Variants in RAPGEF4 observed in about 807,000 individuals in gnomAD.
The protein encoded by RAPGEF4 is Rap guanine nucleotide exchange factor 4, also known as RAP guanine-nucleotide-exchange factor (GEF) 4.
RAPGEF4 carries 66 observed loss-of-function variants against 147.9 expected under a neutral mutation model. The observed-to-expected ratio is 0.45, with a 90% CI of 0.37 to 0.55. RAPGEF4 has a LOEUF of 0.55. RAPGEF4 is among the 20% of genes least tolerant of loss of function. The probability of loss-of-function intolerance (pLI) is 0.00; values close to 1 mark genes in which losing one functional copy is unlikely to be tolerated. For synonymous variants in RAPGEF4, 419 were observed against 442.7 expected (o/e 0.95, Z 0.67); for missense variants, 1,071 against 1,257.3 (o/e 0.85, Z 2.24).
chr2:172,924,400 C>A (rs1013548132), intron 6 of RAPGEF4, among the ~76,000 whole-genome samples: 9 of 152,224 alleles, frequency 5.9e-5, no homozygotes, highest in African/African-American at 2.2e-4. Flanking sequence ...ATACAATGAA[C>A]TGTTAGCATG....
intron 29 of RAPGEF4, among the ~76,000 whole-genome samples, chr2:173,037,842 A>G (rs574761773): frequency 6.6e-6 from 1 of 152,254 alleles, no homozygotes; most frequent in African/African-American, 2.4e-5. Context: ...CAGCCCATCT[A>G]TCTCTGGATT....
At chr2:172,738,216 T>C (rs368973474) in intron 1 of RAPGEF4, among the ~76,000 whole-genome samples, 1 of 152,212 alleles carries the variant, frequency 6.6e-6, no homozygotes, top group South Asian at 2.1e-4. Flanking sequence ...TGAGAAATGC[T>C]GTCTTGATCC....
chr2:172,919,952 G>C (rs573319745), intron 5 of RAPGEF4, among the ~76,000 whole-genome samples: 2 of 152,166 alleles, frequency 1.3e-5, no homozygotes, highest in South Asian at 4.2e-4. Flanking sequence ...AGTTCCCTCT[G>C]CAGCCACCTG....
At chr2:172,843,683 C>T (rs971438403) in intron 4 of RAPGEF4, among the ~76,000 whole-genome samples, 2 of 152,106 alleles carry the variant, frequency 1.3e-5, no homozygotes, top group Non-Finnish European at 2.9e-5. Flanking sequence ...TCTATTCATC[C>T]CACTTAGTGT....
rs1312950217 is a variant in RAPGEF4, at chr2:173,048,603, A to G, written c.2857A>G (p.Met953Val). The G allele has an allele frequency of 1.2e-6, 2 of 1,614,088 alleles. No individual in the cohort carries two copies. Among genetic ancestry groups the G allele is most frequent in the Non-Finnish European group, 1.7e-6 (2 of 1,180,008 alleles). ...CTTTTTTCTATATTCCTTTTAGCGCATGATTGCAAATACGGCCAGAACAGT... is the reference window on the plus strand; with the variant it reads ...CTTTTTTCTATATTCCTTTTAGCGCGTGATTGCAAATACGGCCAGAACAGT... ...DNLVNFEKMR[M>V]IANTARTVRY... The change falls in exon 30 of 31, where the codon ATG becomes GTG. Residue 953 changes from methionine to valine, a missense_variant. Met to Val is a conservative substitution (Grantham distance 21). Transcript: ENST00000397081.
At chr2:172,788,892 T>TAAATAAAATAAAATA (rs137917661) in intron 1 of RAPGEF4, among the ~76,000 whole-genome samples, 5 of 150,702 alleles carry the variant, frequency 3.3e-5, no homozygotes, top group African/African-American at 9.8e-5. Context: ...AGACCCTATC[T>TAAATAAAATAAAATA]AAATAAAATA....
chr2:172,992,790 A>G (rs1227047226), intron 15 of RAPGEF4, among the ~76,000 whole-genome samples: 1 of 152,238 alleles, frequency 6.6e-6, no homozygotes, highest in Non-Finnish European at 1.5e-5. Context: ...ACAATGAGCC[A>G]TTTAAGAAAT....
intron 30 of RAPGEF4, among the ~76,000 whole-genome samples, chr2:173,049,391 A>G (rs1685921972): frequency 6.6e-6 from 1 of 152,138 alleles, no homozygotes; most frequent in Admixed American, 6.5e-5. Flanking sequence ...CTGGTCTGGA[A>G]ATGAGAAGGT....
chr2:173,032,489 A>G (rs1193917676), intron 26 of RAPGEF4, among the ~76,000 whole-genome samples: 1 of 152,224 alleles, frequency 6.6e-6, no homozygotes, highest in Admixed American at 6.5e-5. Context: ...CAGATGACAG[A>G]GGTCTTGCCA....
intron 17 of RAPGEF4, among the ~76,000 whole-genome samples, chr2:173,008,316 T>G (rs1371826669): frequency 6.6e-6 from 1 of 152,220 alleles, no homozygotes; most frequent in Admixed American, 6.5e-5. Flanking sequence ...TAATACATTA[T>G]ACTTGCCCTA....
At chr2:172,844,350 G>T (rs981414057) in intron 4 of RAPGEF4, among the ~76,000 whole-genome samples, 2 of 152,198 alleles carry the variant, frequency 1.3e-5, no homozygotes, top group Non-Finnish European at 2.9e-5. Context: ...GCTTTCAGGT[G>T]CCACTTGGGA....
chr2:172,984,613 C>G (rs908433969), intron 11 of RAPGEF4, among the ~76,000 whole-genome samples: 3 of 152,224 alleles, frequency 2.0e-5, no homozygotes, highest in African/African-American at 7.2e-5. Flanking sequence ...CATCCTTACT[C>G]TCCACAGGGC....
intron 3 of RAPGEF4, among the ~76,000 whole-genome samples, chr2:172,802,447 T>C (rs1401435589): frequency 6.6e-6 from 1 of 152,098 alleles, no homozygotes; most frequent in Non-Finnish European, 1.5e-5. Flanking sequence ...CGGTCAGATC[T>C]TGTGAGATTC....
At chr2:172,842,827 C>T (rs1575012277) in intron 4 of RAPGEF4, among the ~76,000 whole-genome samples, 1 of 152,224 alleles carries the variant, frequency 6.6e-6, no homozygotes, top group East Asian at 1.9e-4. Context: ...CTTCAAGTCA[C>T]ACTGTAGGAT....
chr2:172,817,908 T>C (rs1026628772), intron 4 of RAPGEF4, among the ~76,000 whole-genome samples: 11 of 147,630 alleles, frequency 7.5e-5, no homozygotes, highest in African/African-American at 2.7e-4. Context: ...CACAATTATA[T>C]ATATATATAA....
chr2:172,851,360 G>T (rs1692802376), intron 4 of RAPGEF4, among the ~76,000 whole-genome samples: 3 of 152,106 alleles, frequency 2.0e-5, no homozygotes, highest in Admixed American at 2.0e-4. Context: ...GGCCGATTGT[G>T]TGGTCAATTT....
chr2:172,949,093 A>G (rs961195830), intron 6 of RAPGEF4, among the ~76,000 whole-genome samples: 5 of 152,244 alleles, frequency 3.3e-5, no homozygotes, highest in African/African-American at 1.2e-4. Flanking sequence ...TCCAACATCC[A>G]GTAAACTTAG....
intron 23 of RAPGEF4, among the ~76,000 whole-genome samples, chr2:173,024,259 C>T (rs1392798801): frequency 7.2e-6 from 1 of 138,876 alleles, no homozygotes; most frequent in Admixed American, 7.7e-5. Flanking sequence ...GCTCTGTCGC[C>T]CAGGCTGGAG....
chr2:172,866,949 C>T (rs1019682075), intron 4 of RAPGEF4, among the ~76,000 whole-genome samples: 3 of 144,274 alleles, frequency 2.1e-5, no homozygotes, highest in African/African-American at 7.5e-5. Context: ...CTCAAAACTG[C>T]TCTTTTTTTT....
Sources: gnomAD v4.1 joint callset for allele counts (sites outside exome capture counted in the v4.1 genomes callset) on GRCh38, gnomAD v4.1.1 for gene constraint, MANE v1.5 for transcripts, NCBI Gene and HGNC (gene_info 2026-07-23, HGNC 2026-07-21) for gene names.